TTC28: variants seen among roughly 807,000 people sequenced by gnomAD.
TTC28 encodes tetratricopeptide repeat domain 28.
TTC28 carries 61 observed loss-of-function variants against 198.0 expected under a neutral mutation model. That is an observed-to-expected ratio of 0.31 (90% confidence interval 0.25 to 0.38). TTC28 has a LOEUF of 0.38. TTC28 is among the 10% of genes least tolerant of loss of function. The pLI is 1.00. For missense variants in TTC28, 2,678 were observed against 3,164.0 expected (o/e 0.85, Z 3.69); for synonymous variants, 1,171 against 1,297.8 (o/e 0.90, Z 2.10).
chr22:28,587,310 C>T (rs1008672902), intron 2 of TTC28, among the ~76,000 whole-genome samples: 1 of 152,144 alleles, frequency 6.6e-6, no homozygotes, highest in Admixed American at 6.5e-5. Flanking sequence ...GTAGAGGTTG[C>T]AGTGAGCGGA....
intron 2 of TTC28, among the ~76,000 whole-genome samples, chr22:28,608,813 C>T (rs968196596): frequency 6.6e-5 from 10 of 152,122 alleles, no homozygotes; most frequent in African/African-American, 2.2e-4. Context: ...CTGAGGACTA[C>T]GCTACCTGAG....
At chr22:28,340,199 T>C (rs2045807199) in intron 2 of TTC28, among the ~76,000 whole-genome samples, 1 of 152,132 alleles carries the variant, frequency 6.6e-6, no homozygotes, top group Admixed American at 6.5e-5. Context: ...ACTTTCCTTC[T>C]CTGGGGCTTC....
intron 6 of TTC28, among the ~76,000 whole-genome samples, chr22:28,142,775 T>C (rs1943371127): frequency 1.3e-5 from 2 of 152,138 alleles, no homozygotes; most frequent in Admixed American, 6.5e-5. Context: ...AAAATGATAA[T>C]GTAACAATCG....
intron 5 of TTC28, among the ~76,000 whole-genome samples, chr22:28,182,478 C>T (rs569291401): frequency 1.3e-5 from 2 of 152,180 alleles, no homozygotes; most frequent in South Asian, 4.2e-4. Flanking sequence ...TACAAGTGCA[C>T]ATATGAGAGG....
chr22:27,998,768 T>C lies in TTC28; in HGVS notation c.4891A>G (p.Ser1631Gly). The C allele has an allele frequency of 6.4e-7, 1 of 1,550,738 alleles. No individual in the cohort carries two copies. Among genetic ancestry groups the C allele is most frequent in the Non-Finnish European group, 8.7e-7 (1 of 1,147,002 alleles). Reference sequence around the variant, plus strand: ...ATGACCCCGTCGGCTGTGACTTTGCTGTTGGACTCCTGGGAGGAGCCAAGC... The same window carrying C: ...ATGACCCCGTCGGCTGTGACTTTGCCGTTGGACTCCTGGGAGGAGCCAAGC... ...VVLGSSQESN[S>G]KVTADGVIAL... The change falls in exon 16 of 23, where the codon AGC becomes GGC. Residue 1631 changes from serine (S) to glycine (G), a missense_variant. Ser to Gly is a moderately conservative substitution (Grantham distance 56). This residue lies in a region of TTC28 where 727 missense variants were observed against 861.9 expected (regional missense o/e 0.84). Transcript: ENST00000397906.
At chr22:28,395,091 C>G (rs1400200553) in intron 2 of TTC28, among the ~76,000 whole-genome samples, 3 of 152,144 alleles carry the variant, frequency 2.0e-5, no homozygotes, top group Non-Finnish European at 4.4e-5. Flanking sequence ...ATTTAAAAAT[C>G]TGGAGATCAA....
intron 6 of TTC28, among the ~76,000 whole-genome samples, chr22:28,157,668 G>A (rs1039560306): frequency 4.6e-5 from 7 of 151,946 alleles, no homozygotes; most frequent in African/African-American, 1.4e-4. Context: ...TCAACAGAAT[G>A]AAGGCCATTT....
chr22:28,096,427 T>C lies in TTC28; in HGVS notation c.3548-19A>G. 2.6e-6 allele frequency: 4 copies of C among 1,549,962 alleles called. No individual in the cohort carries two copies. Among genetic ancestry groups the C allele is most frequent in the Non-Finnish European group, 3.5e-6 (4 of 1,146,762 alleles). On this transcript the variant is annotated intron_variant, in intron 10 of 22. Coordinates refer to ENST00000397906, the MANE Select transcript of TTC28 (RefSeq NM_001145418.2). Reference sequence around the variant, plus strand: ...TGATGGCCTAGGAGACAAAGAGATATGCCGAGGAGTCCATAGTGAGTGTGC... The same window carrying C: ...TGATGGCCTAGGAGACAAAGAGATACGCCGAGGAGTCCATAGTGAGTGTGC...
chr22:28,135,288 G>C (rs1272424841), intron 6 of TTC28, among the ~76,000 whole-genome samples: 1 of 151,802 alleles, frequency 6.6e-6, no homozygotes, highest in Non-Finnish European at 1.5e-5. Context: ...TCATTCTTTG[G>C]GTTCTCTTTT....
At chr22:28,196,688 A>AT (rs1569191661) in intron 5 of TTC28, among the ~76,000 whole-genome samples, 1 of 152,216 alleles carries the variant, frequency 6.6e-6, no homozygotes, top group African/African-American at 2.4e-5. Flanking sequence ...ACATGAAAAA[A>AT]TGCTCATCAT....
At chr22:28,287,282 C>T (rs1555959304) in intron 5 of TTC28, among the ~76,000 whole-genome samples, 1 of 152,042 alleles carries the variant, frequency 6.6e-6, no homozygotes, top group African/African-American at 2.4e-5. Context: ...ATTGGATATA[C>T]ATATGGGGAA....
At chr22:28,446,143 A>T (rs1188827973) in intron 2 of TTC28, among the ~76,000 whole-genome samples, 1 of 152,184 alleles carries the variant, frequency 6.6e-6, no homozygotes, top group Non-Finnish European at 1.5e-5. Context: ...CTAAAATACA[A>T]GTATGGGAAT....
At chr22:28,397,020 G>T (rs550179630) in intron 2 of TTC28, among the ~76,000 whole-genome samples, 1 of 152,228 alleles carries the variant, frequency 6.6e-6, no homozygotes, top group East Asian at 1.9e-4. Flanking sequence ...GGCTGGCTGT[G>T]TGGCAAACTA....
At chr22:28,038,091 G>T (rs542817950) in intron 12 of TTC28, among the ~76,000 whole-genome samples, 1 of 152,298 alleles carries the variant, frequency 6.6e-6, no homozygotes, top group Admixed American at 6.5e-5. Context: ...TGGCCATACT[G>T]CCCAAGGTAA....
chr22:28,608,328 A>C (rs1397477394), intron 2 of TTC28, among the ~76,000 whole-genome samples: 2 of 152,298 alleles, frequency 1.3e-5, no homozygotes, highest in Non-Finnish European at 2.9e-5. Flanking sequence ...AATTACCACT[A>C]TTTGACCTGT....
At chr22:28,602,369 C>A (rs1432496150) in intron 2 of TTC28, among the ~76,000 whole-genome samples, 2 of 152,046 alleles carry the variant, frequency 1.3e-5, no homozygotes, top group African/African-American at 2.4e-5. Flanking sequence ...GTGACTGGAG[C>A]AATCATTCAA....
rs143978023 is a variant in TTC28 at position 28,484,423 on chromosome 22, A to C, written c.381+145129T>G. ...CACCGCACCCAGCCCCCAAAGTTTTATTAAAAGCTTTATGACTCCATCACT... is the reference window on the plus strand; with the variant it reads ...CACCGCACCCAGCCCCCAAAGTTTTCTTAAAAGCTTTATGACTCCATCACT... On this transcript the variant is annotated intron_variant, in intron 2 of 22. Transcript: ENST00000397906. Among the ~76,000 whole-genome samples, 676 of 152,260 alleles carry C rather than the reference A, an allele frequency of 4.4e-3. 7 individuals are homozygous for C. The highest frequency in any genetic ancestry group is 0.015 in the South Asian group (71 of 4,822).
chr22:28,090,467 T>G (rs924595862), intron 12 of TTC28, among the ~76,000 whole-genome samples: 1 of 152,182 alleles, frequency 6.6e-6, no homozygotes, highest in African/African-American at 2.4e-5. Flanking sequence ...AATTCAATTA[T>G]TGTTGTATAT....
intron 6 of TTC28, among the ~76,000 whole-genome samples, chr22:28,145,636 A>G (rs1943452441): frequency 6.6e-6 from 1 of 152,228 alleles, no homozygotes; most frequent in Non-Finnish European, 1.5e-5. Flanking sequence ...AAATAACAAC[A>G]TGTACTTCTA....
Sources: allele counts gnomAD v4.1 joint callset (sites outside exome capture counted in the v4.1 genomes callset), GRCh38; gene constraint gnomAD v4.1.1; regional missense constraint gnomAD v4.1.1; transcripts MANE v1.5; gene names NCBI Gene and HGNC (gene_info 2026-07-23, HGNC 2026-07-21).